Variants in WASHC3 observed in about 807,000 individuals in gnomAD.
The protein encoded by WASHC3 is WASH complex subunit 3.
WASHC3 carries 24 observed loss-of-function variants against 26.1 expected under a neutral mutation model. The ratio of observed to expected loss-of-function variants is 0.92; its 90% CI spans 0.66 to 1.29. The LOEUF (loss-of-function observed/expected upper bound fraction) is 1.29, where lower values mean the gene tolerates loss of function less well. WASHC3 is among the 50% of genes most tolerant of loss of function. The pLI is 0.00. For synonymous variants in WASHC3, 77 were observed against 75.7 expected, an observed-to-expected ratio of 1.02 and a Z score of -0.09; for missense variants, 214 against 229.6, an observed-to-expected ratio of 0.93 and a Z score of 0.44.
intron 2 of WASHC3, among the ~76,000 whole-genome samples, chr12:102,058,041 T>C (rs937412912): frequency 6.6e-6 from 1 of 151,948 alleles, no homozygotes; most frequent in Non-Finnish European, 1.5e-5. Flanking sequence ...AAAACAGCCA[T>C]AGACCAAGGA....
rs1359715789 is a variant in WASHC3, at chr12:102,013,018, T to A, written c.*90A>T. The A allele has an allele frequency of 3.4e-6, 2 of 591,574 alleles. No homozygotes were observed. Among genetic ancestry groups the A allele is most frequent in the African/African-American group, 3.8e-5 (2 of 52,018 alleles). 36.6% of individuals were successfully genotyped at this position (591,574 alleles called of 1,614,324 possible). A position where few individuals can be genotyped will look rare whatever the true frequency, so the allele number is the denominator to read the frequency against. ...GTAGTGGACATGTGGCCATTTGATG[T>A]TTTTATGACTAAGAGAGTTCAGGCT... is the stretch of plus-strand genomic sequence containing the variant. On this transcript the variant is annotated 3_prime_UTR_variant, in exon 7 of 7. Coordinates refer to ENST00000240079, the MANE Select transcript of WASHC3 (RefSeq NM_016053.4).
intron 6 of WASHC3, among the ~76,000 whole-genome samples, chr12:102,016,259 C>G (rs113678299): frequency 6.6e-6 from 1 of 151,922 alleles, no homozygotes; most frequent in African/African-American, 2.4e-5. Flanking sequence ...GGCTAGGGTG[C>G]AGTGGTGCAA....
At chr12:102,019,814 A>G (rs1442564809) in intron 6 of WASHC3, among the ~76,000 whole-genome samples, 3 of 152,222 alleles carry the variant, frequency 2.0e-5, no homozygotes, top group Non-Finnish European at 4.4e-5. Flanking sequence ...GTTGACCTCA[A>G]CTAAAAATGA....
At chr12:102,043,971 T>G in intron 4 of WASHC3, 134 bp downstream of exon 4, 2 of 459,566 alleles carry the variant, frequency 4.4e-6, no homozygotes, top group South Asian at 7.6e-5. Flanking sequence ...TTTCCCAAAC[T>G]TCATTTTCTA....
intron 5 of WASHC3, among the ~76,000 whole-genome samples, chr12:102,029,716 C>T (rs1392002150): frequency 1.3e-5 from 2 of 150,848 alleles, no homozygotes; most frequent in Admixed American, 6.7e-5. Flanking sequence ...AGAGTTTTTC[C>T]TCTTAATTTA....
At chr12:102,036,879 G>C (rs1223760529) in intron 5 of WASHC3, among the ~76,000 whole-genome samples, 1 of 152,072 alleles carries the variant, frequency 6.6e-6, no homozygotes, top group African/African-American at 2.4e-5. Flanking sequence ...CAAGCAAAAA[G>C]GATGGGCTAG....
intron 6 of WASHC3, among the ~76,000 whole-genome samples, chr12:102,021,497 C>A (rs1203654628): frequency 1.3e-5 from 2 of 152,302 alleles, no homozygotes; most frequent in African/African-American, 4.8e-5. Flanking sequence ...TATTATCTCT[C>A]TCATTCTTAT....
At chr12:102,014,628 C>T (rs1432720946) in intron 6 of WASHC3, among the ~76,000 whole-genome samples, 1 of 152,042 alleles carries the variant, frequency 6.6e-6, no homozygotes, top group Admixed American at 6.6e-5. Context: ...AATATAAACC[C>T]ATTTGCTCTG....
At chr12:102,040,077 A>T in intron 4 of WASHC3, 99 bp from the exon 5 acceptor site, 1 of 485,430 alleles carries the variant, frequency 2.1e-6, no homozygotes, top group Non-Finnish European at 3.7e-6. Context: ...TAAGGCAGTA[A>T]ATTGCAGAAA....
At chr12:102,047,543 G>A (rs1400294315) in intron 2 of WASHC3, among the ~76,000 whole-genome samples, 1 of 152,148 alleles carries the variant, frequency 6.6e-6, no homozygotes, top group Admixed American at 6.5e-5. Context: ...TTTATAACAT[G>A]TATTATGAAT....
Position 102,025,876 on chromosome 12 carries a change from T to C in WASHC3, c.500+98A>G, listed in dbSNP as rs1042504097. 3.1e-5 allele frequency: 22 copies of C among 706,634 alleles called. No homozygotes were observed. In the African/African-American group the frequency reaches 3.4e-4, roughly 11 times the overall value. The allele number at this position is 706,634 out of a possible 1,614,324, so 43.8% of individuals were successfully genotyped here. ...GATGATATCCTCAACCATAAAACAC[T>C]GTAGGAATAAAAATACAGAGAATTT... On this transcript the variant is annotated intron_variant, in intron 6 of 6. Transcript: ENST00000240079.
chr12:102,025,967 T>A lies in WASHC3; in HGVS notation c.500+7A>T. On this transcript the variant is annotated splice_region_variant and intron_variant, in intron 6 of 6. Coordinates refer to ENST00000240079, the MANE Select transcript of WASHC3 (RefSeq NM_016053.4). ...AATAATATCATTATATTAGAAGAATTACTTACTCAAGAAGATCTGGGTCTA... is the reference window on the plus strand; with the variant it reads ...AATAATATCATTATATTAGAAGAATAACTTACTCAAGAAGATCTGGGTCTA... The A allele has an allele frequency of 2.9e-6, 4 of 1,366,366 alleles. No individual in the cohort carries two copies. Among genetic ancestry groups the A allele is most frequent in the Non-Finnish European group, 4.1e-6 (4 of 981,406 alleles). The allele number at this position is 1,366,366 out of a possible 1,614,324, so 84.6% of individuals were successfully genotyped here. A position where few individuals can be genotyped will look rare whatever the true frequency, so the allele number is the denominator to read the frequency against.
intron 2 of WASHC3, among the ~76,000 whole-genome samples, chr12:102,048,052 G>C (rs1256815839): frequency 1.3e-5 from 2 of 152,050 alleles, no homozygotes; most frequent in African/African-American, 2.4e-5. Flanking sequence ...AAATTCTTGG[G>C]TATTGCACAG....
intron 6 of WASHC3, among the ~76,000 whole-genome samples, chr12:102,023,795 C>G (rs990061717): frequency 5.9e-5 from 9 of 152,146 alleles, no homozygotes; most frequent in African/African-American, 2.2e-4. Flanking sequence ...GGTTGAGGAG[C>G]AGCTTTTCTG....
At chr12:102,056,924 G>A (rs1247877547) in intron 2 of WASHC3, among the ~76,000 whole-genome samples, 1 of 152,144 alleles carries the variant, frequency 6.6e-6, no homozygotes, top group Non-Finnish European at 1.5e-5. Context: ...TAGGAGGCCA[G>A]CATTATCCTG....
intron 2 of WASHC3, among the ~76,000 whole-genome samples, chr12:102,052,075 C>T (rs1393579915): frequency 1.3e-5 from 2 of 152,162 alleles, no homozygotes; most frequent in Non-Finnish European, 2.9e-5. Flanking sequence ...ACAGAAACAT[C>T]CATTTGAAAA....
chr12:102,046,018 CAA>C (rs778851663), intron 3 of WASHC3, 34 bp downstream of exon 3: 1 of 1,279,034 alleles, frequency 7.8e-7, no homozygotes, highest in East Asian at 2.4e-5. Flanking sequence ...ATATGCACAG[CAA>C]AGTTTATACT....
chr12:102,039,631 AT>A (rs1877853803), intron 5 of WASHC3, among the ~76,000 whole-genome samples: 1 of 152,136 alleles, frequency 6.6e-6, no homozygotes. Context: ...ATGCAAAAAA[AT>A]GTACATAAAT....
intron 2 of WASHC3, among the ~76,000 whole-genome samples, chr12:102,054,988 G>A (rs1006148848): frequency 6.6e-6 from 1 of 151,946 alleles, no homozygotes; most frequent in Admixed American, 6.6e-5. Context: ...ACATCCTAGT[G>A]TTACAACTGA....
Sources: gnomAD v4.1 joint callset for allele counts (sites outside exome capture counted in the v4.1 genomes callset) on GRCh38, gnomAD v4.1.1 for gene constraint, MANE v1.5 for transcripts, NCBI Gene and HGNC (gene_info 2026-07-23, HGNC 2026-07-21) for gene names.